Variants in LINGO2 observed in about 807,000 individuals in gnomAD.
The protein encoded by LINGO2 is leucine-rich repeat and immunoglobulin-like domain-containing nogo receptor-interacting protein 2.
In LINGO2, 14 loss-of-function variants were observed where a neutral mutation model predicts 30.6. The ratio of observed to expected loss-of-function variants is 0.46; its 90% confidence interval spans 0.30 to 0.72. LINGO2 has a LOEUF of 0.72. Ranked by LOEUF, LINGO2 falls within the 30% of genes least tolerant of loss-of-function variation. The pLI, the probability that LINGO2 is intolerant of heterozygous loss-of-function variation, is 0.07. For missense variants in LINGO2, 729 were observed against 751.7 expected (o/e 0.97, Z 0.35); for synonymous variants, 317 against 288.5 (o/e 1.10, Z -1.00).
intron 2 of LINGO2, among the ~76,000 whole-genome samples, chr9:28,374,210 T>A (rs12350260): frequency 0.75 from 97,874 of 130,064 alleles, 33,335 homozygotes; most frequent in African/African-American, 0.78. Flanking sequence ...ATGTTTTTAT[T>A]TATATATATA....
At chr9:28,141,323 T>A (rs1289493666) in intron 4 of LINGO2, among the ~76,000 whole-genome samples, 5 of 152,200 alleles carry the variant, frequency 3.3e-5, no homozygotes, top group Non-Finnish European at 7.3e-5. Context: ...AGGAGGAATA[T>A]TTGCAAATGT....
At chr9:28,475,624 C>A (rs1587723617) in intron 2 of LINGO2, among the ~76,000 whole-genome samples, 3 of 152,222 alleles carry the variant, frequency 2.0e-5, no homozygotes, top group Admixed American at 2.0e-4. Flanking sequence ...TATGCAATGT[C>A]TTAGTTAATC....
At chr9:29,069,837 T>G in the LINGO2 span, among the ~76,000 whole-genome samples, 2 of 152,092 alleles carry the variant, frequency 1.3e-5, no homozygotes. Flanking sequence ...ATTATTCTAT[T>G]TTTAATAGAT....
chr9:28,049,024 T>G lies in LINGO2; in HGVS notation c.-86-36619A>C, dbSNP rs150015575. 6.5e-4 allele frequency among the ~76,000 whole-genome samples: 99 copies of G among 151,254 alleles called. 9 individuals carry two copies. The East Asian group carries it at 0.019, about 29-fold the overall frequency. Reference sequence around the variant, plus strand: ...TAATTTTTAAATCATTTAAGCATTCTTTGAAGTTTTCTTTCCAGTATAAAT... The same window carrying G: ...TAATTTTTAAATCATTTAAGCATTCGTTGAAGTTTTCTTTCCAGTATAAAT... On this transcript the variant is annotated intron_variant, in intron 4 of 5. Transcript: ENST00000379992.
chr9:28,352,156 T>C (rs1018470437), intron 3 of LINGO2, among the ~76,000 whole-genome samples: 8 of 151,644 alleles, frequency 5.3e-5, no homozygotes, highest in Non-Finnish European at 1.0e-4. Flanking sequence ...GCCAGGGCTA[T>C]TAGGCAGGAG....
chr9:28,670,977 ACT>A (rs373770672), upstream of LINGO2, among the ~76,000 whole-genome samples: 11 of 152,238 alleles, frequency 7.2e-5, no homozygotes, highest in African/African-American at 2.6e-4. Flanking sequence ...TGGGGAAGAA[ACT>A]TTTCAAAAAA....
chr9:28,119,998 T>G (rs1827047537), intron 4 of LINGO2, among the ~76,000 whole-genome samples: 1 of 152,194 alleles, frequency 6.6e-6, no homozygotes, highest in Admixed American at 6.5e-5. Context: ...AGAGAAAAGA[T>G]AGAATAAAAA....
intron 1 of LINGO2, among the ~76,000 whole-genome samples, chr9:28,502,720 C>T (rs1564247380): frequency 1.3e-5 from 2 of 151,958 alleles, no homozygotes; most frequent in South Asian, 2.1e-4. Context: ...AGAATAATGC[C>T]ACTCAGCTCT....
intron 1 of LINGO2, among the ~76,000 whole-genome samples, chr9:28,586,481 A>G (rs1036873529): frequency 1.3e-5 from 2 of 152,046 alleles, no homozygotes; most frequent in African/African-American, 4.8e-5. Context: ...TTTTAAAATA[A>G]TCATATCATA....
At chr9:28,094,268 T>C (rs1438587849) in intron 4 of LINGO2, among the ~76,000 whole-genome samples, 1 of 152,118 alleles carries the variant, frequency 6.6e-6, no homozygotes, top group Non-Finnish European at 1.5e-5. Flanking sequence ...AAATTTTAAC[T>C]CTTGTCAAAT....
chr9:28,737,131 T>C, the LINGO2 span, among the ~76,000 whole-genome samples: 5 of 152,188 alleles, frequency 3.3e-5, no homozygotes, highest in African/African-American at 9.7e-5. Context: ...GCTTTTACTC[T>C]TGCTTTCCTG....
intron 3 of LINGO2, among the ~76,000 whole-genome samples, chr9:28,321,376 A>C (rs1587463080): frequency 6.6e-6 from 1 of 152,280 alleles, no homozygotes; most frequent in African/African-American, 2.4e-5. Flanking sequence ...GCCAGGCAGA[A>C]ACTACATAAA....
At chr9:28,320,210 A>G (rs932767030) in intron 3 of LINGO2, among the ~76,000 whole-genome samples, 14 of 152,266 alleles carry the variant, frequency 9.2e-5, no homozygotes, top group Middle Eastern at 3.4e-3. Context: ...AAGAAGCAGC[A>G]GCCAGTGAGA....
In LINGO2 at chr9:28,617,726, C is replaced by CT. The variant is rs537226353; in HGVS notation, c.-365+52473dup. ...AAATTCATCCCTGTTTTCATCTTTA[C>CT]TTTTTTTTTATTTTCATAATTACAA... On this transcript the variant is annotated intron_variant, in intron 1 of 5. Coordinates refer to ENST00000379992, the Ensembl canonical transcript of LINGO2. 7.0e-3 allele frequency among the ~76,000 whole-genome samples: 1,066 copies of CT among 151,446 alleles called. 13 individuals are homozygous for CT. Among genetic ancestry groups the CT allele is most frequent in the Admixed American group, 0.014 (212 of 15,180 alleles).
chr9:28,403,152 T>A (rs1352841953), intron 2 of LINGO2, among the ~76,000 whole-genome samples: 1 of 152,208 alleles, frequency 6.6e-6, no homozygotes, highest in East Asian at 1.9e-4. Context: ...TCCCCTCTGC[T>A]GCTCCAGATT....
At chr9:29,105,815 A>C in the LINGO2 span, among the ~76,000 whole-genome samples, 4 of 152,184 alleles carry the variant, frequency 2.6e-5, no homozygotes, top group Non-Finnish European at 5.9e-5. Flanking sequence ...GGCAACATCT[A>C]GGATCTAAGA....
intron 1 of LINGO2, among the ~76,000 whole-genome samples, chr9:28,540,239 A>C (rs1391493339): frequency 6.6e-6 from 1 of 150,624 alleles, no homozygotes; most frequent in African/African-American, 2.4e-5. Context: ...TCTTTGAGAC[A>C]GGCTCTCTCT....
intron 4 of LINGO2, among the ~76,000 whole-genome samples, chr9:28,265,862 G>C (rs566117922): frequency 1.2e-4 from 18 of 152,066 alleles, no homozygotes; most frequent in African/African-American, 4.1e-4. Flanking sequence ...GACCTGACTT[G>C]CTGTATGCTT....
the LINGO2 span, among the ~76,000 whole-genome samples, chr9:29,186,741 A>T: frequency 6.6e-6 from 1 of 151,978 alleles, no homozygotes; most frequent in Non-Finnish European, 1.5e-5. Context: ...TTTTAGAAAG[A>T]TTGTCTGCAT....
Sources: gnomAD v4.1 joint callset for allele counts (sites outside exome capture counted in the v4.1 genomes callset) on GRCh38, gnomAD v4.1.1 for gene constraint, MANE v1.5 for transcripts, NCBI Gene and HGNC (gene_info 2026-07-23, HGNC 2026-07-21) for gene names.